Variants in GALNT13 observed in about 807,000 individuals in gnomAD.
GALNT13 encodes the protein UDP-GalNAc:polypeptide N-acetylgalactosaminyltransferase 13.
Under a neutral mutation model 64.2 loss-of-function variants are expected in GALNT13, and 28 were observed. That is an observed-to-expected ratio of 0.44 (90% CI 0.32 to 0.60). The LOEUF is 0.60. Among genes scored for constraint, GALNT13 ranks in the 20% least tolerant of loss-of-function variants. The pLI is 0.05. For missense variants in GALNT13, 577 were observed against 669.8 expected (o/e 0.86, Z 1.53); for synonymous variants, 214 against 224.6 (o/e 0.95, Z 0.42).
chr2:154,419,437 A>C (rs1574271993), intron 11 of GALNT13, among the ~76,000 whole-genome samples: 1 of 152,164 alleles, frequency 6.6e-6, no homozygotes. Flanking sequence ...AGTATTGTAG[A>C]GTCTCATTTT....
intron 4 of GALNT13, among the ~76,000 whole-genome samples, chr2:154,223,870 A>G (rs1688451807): frequency 6.6e-6 from 1 of 152,104 alleles, no homozygotes; most frequent in Admixed American, 6.6e-5. Context: ...TATTACATTT[A>G]GCAATTACAA....
chr2:153,880,872 T>G (rs1342144483), intron 1 of GALNT13, among the ~76,000 whole-genome samples: 1 of 152,210 alleles, frequency 6.6e-6, no homozygotes, highest in Non-Finnish European at 1.5e-5. Flanking sequence ...TGGTGCTTTT[T>G]GCTTTAAATT....
At chr2:153,167,279 A>G in the GALNT13 span, among the ~76,000 whole-genome samples, 1 of 152,288 alleles carries the variant, frequency 6.6e-6, no homozygotes, top group African/African-American at 2.4e-5. Flanking sequence ...TAAACTTGGG[A>G]GTGACCATCT....
chr2:154,162,856 T>G (rs1261074305), intron 4 of GALNT13, among the ~76,000 whole-genome samples: 1 of 152,060 alleles, frequency 6.6e-6, no homozygotes, highest in Non-Finnish European at 1.5e-5. Context: ...ACACCTTCTT[T>G]TTTGTGTAGA....
At chr2:153,678,846 C>T in the GALNT13 span, among the ~76,000 whole-genome samples, 1 of 151,956 alleles carries the variant, frequency 6.6e-6, no homozygotes, top group Non-Finnish European at 1.5e-5. Context: ...TGTACTATGT[C>T]AGCTTAGCTA....
the GALNT13 span, among the ~76,000 whole-genome samples, chr2:153,222,473 C>T: frequency 6.6e-5 from 10 of 152,242 alleles, no homozygotes; most frequent in East Asian, 1.7e-3. Context: ...GCTGACAGCC[C>T]AGCCCCCAGG....
the GALNT13 span, among the ~76,000 whole-genome samples, chr2:153,127,355 G>A: frequency 6.6e-6 from 1 of 152,024 alleles, no homozygotes; most frequent in African/African-American, 2.4e-5. Context: ...AAGTCATGTG[G>A]CCTCTCATAT....
intron 3 of GALNT13, among the ~76,000 whole-genome samples, chr2:153,967,061 T>G (rs991083364): frequency 6.6e-6 from 1 of 152,152 alleles, no homozygotes; most frequent in African/African-American, 2.4e-5. Flanking sequence ...TCTCTAGAAT[T>G]TTTGCTTGAT....
chr2:153,117,278 T>G, the GALNT13 span, among the ~76,000 whole-genome samples: 1 of 152,144 alleles, frequency 6.6e-6, no homozygotes, highest in Non-Finnish European at 1.5e-5. Context: ...AAAGCAAACT[T>G]TCTTAACAAA....
chr2:154,287,422 G>A, intron 8 of GALNT13: 1 of 446,436 alleles, frequency 2.2e-6, no homozygotes, highest in Non-Finnish European at 4.2e-6. Flanking sequence ...AGCTGCCCCA[G>A]TGAGGGCCCA....
At chr2:154,419,519 A>T (rs375427061) in intron 11 of GALNT13, among the ~76,000 whole-genome samples, 1 of 152,170 alleles carries the variant, frequency 6.6e-6, no homozygotes, top group Admixed American at 6.6e-5. Flanking sequence ...AAAATTGTCA[A>T]TTCAAGTCAA....
the GALNT13 span, among the ~76,000 whole-genome samples, chr2:153,577,759 G>GA: frequency 2.0e-5 from 3 of 151,282 alleles, no homozygotes; most frequent in African/African-American, 4.8e-5. Context: ...CCTGTGATTA[G>GA]AAAAAATATT....
the GALNT13 span, among the ~76,000 whole-genome samples, chr2:153,737,967 GT>G: frequency 6.6e-6 from 1 of 151,828 alleles, no homozygotes; most frequent in Non-Finnish European, 1.5e-5. Flanking sequence ...TCATTTGCTG[GT>G]CTACTTAATA....
At chr2:153,835,355 A>T in the GALNT13 span, among the ~76,000 whole-genome samples, 1 of 152,054 alleles carries the variant, frequency 6.6e-6, no homozygotes, top group Non-Finnish European at 1.5e-5. Flanking sequence ...TTTATGTCCA[A>T]CAATGTACTT....
the GALNT13 span, among the ~76,000 whole-genome samples, chr2:153,555,349 C>T: frequency 3.7e-5 from 5 of 136,394 alleles, no homozygotes; most frequent in South Asian, 2.6e-4. Context: ...CGCCCGCTAC[C>T]ACGCCCGGCT....
chr2:153,591,869 TAATC>T, the GALNT13 span, among the ~76,000 whole-genome samples: 1 of 151,926 alleles, frequency 6.6e-6, no homozygotes, highest in Non-Finnish European at 1.5e-5. Flanking sequence ...GCAAAAGAAA[TAATC>T]AACAGGGTAA....
intron 4 of GALNT13, among the ~76,000 whole-genome samples, chr2:154,183,959 G>A (rs1686109010): frequency 6.6e-6 from 1 of 151,836 alleles, no homozygotes; most frequent in African/African-American, 2.4e-5. Flanking sequence ...GACATTAATT[G>A]TTATAGACTC....
At chr2:153,501,699 T>C in the GALNT13 span, among the ~76,000 whole-genome samples, 1 of 152,092 alleles carries the variant, frequency 6.6e-6, no homozygotes, top group Non-Finnish European at 1.5e-5. Flanking sequence ...CATATGTGCA[T>C]TAAGAGAGCC....
intron 4 of GALNT13, among the ~76,000 whole-genome samples, chr2:154,194,828 G>A (rs1686791137): frequency 6.6e-6 from 1 of 150,620 alleles, no homozygotes; most frequent in South Asian, 2.1e-4. Context: ...AAGTAGTGTA[G>A]CCAGGATATC....
Sources: allele counts gnomAD v4.1 joint callset (sites outside exome capture counted in the v4.1 genomes callset), GRCh38; gene constraint gnomAD v4.1.1; transcripts MANE v1.5; gene names NCBI Gene and HGNC (gene_info 2026-07-23, HGNC 2026-07-21).